LRRTM4: variants seen among roughly 807,000 people sequenced by gnomAD.
The protein encoded by LRRTM4 is leucine rich repeat transmembrane neuronal 4, also known as leucine-rich repeat transmembrane neuronal protein 4.
A neutral mutation model predicts 47.6 loss-of-function variants in LRRTM4; 25 were observed. The ratio of observed to expected loss-of-function variants is 0.53; its 90% CI spans 0.38 to 0.73. The LOEUF is 0.73. Among genes scored for constraint, LRRTM4 ranks in the 30% least tolerant of loss-of-function variants. The pLI is 0.00. For synonymous variants in LRRTM4, 311 were observed against 269.5 expected, an observed-to-expected ratio of 1.15 and a Z score of -1.51; for missense variants, 638 against 713.4, an observed-to-expected ratio of 0.89 and a Z score of 1.20.
chr2:76,831,875 G>A (rs749759789), intron 3 of LRRTM4, among the ~76,000 whole-genome samples: 34 of 152,020 alleles, frequency 2.2e-4, no homozygotes, highest in Non-Finnish European at 4.3e-4. Flanking sequence ...TTGACGCAAT[G>A]TAGTGTTTTT....
chr2:77,515,426 A>C (rs1679170136), intron 3 of LRRTM4, among the ~76,000 whole-genome samples: 1 of 151,980 alleles, frequency 6.6e-6, no homozygotes, highest in Admixed American at 6.6e-5. Context: ...CAAAATGGAT[A>C]TTGTAACCAT....
At chr2:76,757,593 CTAAAT>C (rs1390029387) in intron 3 of LRRTM4, among the ~76,000 whole-genome samples, 1 of 152,072 alleles carries the variant, frequency 6.6e-6, no homozygotes, top group Non-Finnish European at 1.5e-5. Flanking sequence ...GCTCTGGCCT[CTAAAT>C]TAGAACGAGT....
chr2:76,998,475 G>T (rs1159378048), intron 3 of LRRTM4, among the ~76,000 whole-genome samples: 1 of 151,840 alleles, frequency 6.6e-6, no homozygotes. Context: ...ACAGATCCAT[G>T]ATGCACACAC....
chr2:77,256,339 TGAA>T (rs1675765188), intron 3 of LRRTM4, among the ~76,000 whole-genome samples: 1 of 152,094 alleles, frequency 6.6e-6, no homozygotes, highest in Non-Finnish European at 1.5e-5. Flanking sequence ...ACCAAACATT[TGAA>T]GAAGAATTAA....
At chr2:76,907,064 C>T (rs979695623) in intron 3 of LRRTM4, among the ~76,000 whole-genome samples, 1 of 151,986 alleles carries the variant, frequency 6.6e-6, no homozygotes, top group Non-Finnish European at 1.5e-5. Context: ...CAAACCACAC[C>T]TATTCCAAAA....
chr2:77,078,403 CA>C (rs1558566700), intron 3 of LRRTM4, among the ~76,000 whole-genome samples: 4 of 151,544 alleles, frequency 2.6e-5, no homozygotes, highest in Admixed American at 2.6e-4. Context: ...CACACACACA[CA>C]CACATGTTCT....
chr2:76,890,445 CA>C (rs1219234191), intron 3 of LRRTM4, among the ~76,000 whole-genome samples: 2 of 151,790 alleles, frequency 1.3e-5, no homozygotes, highest in Non-Finnish European at 2.9e-5. Context: ...CTTCAAAGGC[CA>C]AAAGAGGATG....
intron 3 of LRRTM4, among the ~76,000 whole-genome samples, chr2:76,928,719 C>T (rs1674668483): frequency 6.6e-6 from 1 of 151,982 alleles, no homozygotes; most frequent in Non-Finnish European, 1.5e-5. Flanking sequence ...TTCAAGCTGA[C>T]AGAATGACTT....
At chr2:76,865,572 AT>A (rs1471643527) in intron 3 of LRRTM4, among the ~76,000 whole-genome samples, 1 of 152,134 alleles carries the variant, frequency 6.6e-6, no homozygotes, top group Non-Finnish European at 1.5e-5. Flanking sequence ...GTTTTTCTAG[AT>A]TTTCACATAA....
intron 3 of LRRTM4, among the ~76,000 whole-genome samples, chr2:76,927,283 G>C (rs1339682118): frequency 1.3e-5 from 2 of 152,216 alleles, no homozygotes; most frequent in East Asian, 3.9e-4. Context: ...TTTGGATTGA[G>C]ATGAAAACTT....
At chr2:77,074,927 T>G (rs1321275933) in intron 3 of LRRTM4, among the ~76,000 whole-genome samples, 2 of 151,828 alleles carry the variant, frequency 1.3e-5, no homozygotes, top group African/African-American at 4.9e-5. Flanking sequence ...TTTTCCAAGA[T>G]AACAAGATAT....
intron 3 of LRRTM4, among the ~76,000 whole-genome samples, chr2:77,195,446 A>T (rs1359795358): frequency 6.6e-6 from 1 of 152,094 alleles, no homozygotes; most frequent in Non-Finnish European, 1.5e-5. Context: ...TATTTAATAA[A>T]CTTTAACAAG....
chr2:76,790,699 AC>A (rs147399412), intron 3 of LRRTM4, among the ~76,000 whole-genome samples: 44 of 145,822 alleles, frequency 3.0e-4, no homozygotes, highest in South Asian at 2.3e-3. Flanking sequence ...AATTGGATAG[AC>A]CCCCCCCCAC....
At chr2:76,779,468 A>C (rs1343375816) in intron 3 of LRRTM4, among the ~76,000 whole-genome samples, 2 of 147,488 alleles carry the variant, frequency 1.4e-5, no homozygotes, top group East Asian at 3.9e-4. Flanking sequence ...ATATATATTT[A>C]GGATAGTTAG....
Position 76,951,308 on chromosome 2 carries a change from G to A in LRRTM4, c.1552-202392C>T, listed in dbSNP as rs533865503. The stretch of plus-strand genomic sequence containing the variant: ...AGACGTATAATGATTAGGAGAGTAT[G>A]AACTGCTATTCTTAAGGATGGCTTC... On this transcript the variant is annotated intron_variant, in intron 3 of 3. Transcript: ENST00000409884. 1.5e-4 allele frequency among the ~76,000 whole-genome samples: 23 copies of A among 152,056 alleles called. No individual in the cohort carries two copies. The South Asian group carries it at 4.6e-3, about 30-fold the overall frequency.
chr2:76,945,754 A>AGT (rs71376806), intron 3 of LRRTM4, among the ~76,000 whole-genome samples: 23,030 of 150,170 alleles, frequency 0.15, 4,379 homozygotes, highest in African/African-American at 0.44. Flanking sequence ...AGTGTGTAGA[A>AGT]GTGTGTGTGT....
intron 3 of LRRTM4, among the ~76,000 whole-genome samples, chr2:76,970,697 G>A (rs902398491): frequency 2.6e-5 from 4 of 151,980 alleles, no homozygotes; most frequent in Non-Finnish European, 5.9e-5. Flanking sequence ...GTTATAAAAA[G>A]CTGAACCTCA....
intron 3 of LRRTM4, among the ~76,000 whole-genome samples, chr2:76,842,350 CCT>C (rs1671708768): frequency 6.6e-6 from 1 of 152,122 alleles, no homozygotes; most frequent in Non-Finnish European, 1.5e-5. Flanking sequence ...TGGAAATTAT[CCT>C]CTGTAATCAT....
In LRRTM4 at chr2:76,932,898, G is replaced by A. The variant is rs145761198; in HGVS notation, c.1552-183982C>T. ...CTGGGGTACATATGCAGAACATGCA[G>A]GTTTGTTACATAGGTATACACGTGC... is the stretch of plus-strand genomic sequence containing the variant. On this transcript the variant is annotated intron_variant, in intron 3 of 3. Coordinates refer to ENST00000409884, the MANE Select transcript of LRRTM4 (RefSeq NM_001134745.3). Among the ~76,000 whole-genome samples, 880 of 152,088 alleles carry A rather than the reference G, an allele frequency of 5.8e-3. 9 individuals carry two copies. Among genetic ancestry groups the A allele is most frequent in the African/African-American group, 0.02 (833 of 41,480 alleles).
Sources: allele counts gnomAD v4.1 joint callset (sites outside exome capture counted in the v4.1 genomes callset), GRCh38; gene constraint gnomAD v4.1.1; transcripts MANE v1.5; gene names NCBI Gene and HGNC (gene_info 2026-07-23, HGNC 2026-07-21).